Variants in WDTC1 observed in about 807,000 individuals in gnomAD.
The protein encoded by WDTC1 is WD and tetratricopeptide repeats protein 1.
In WDTC1, 12 loss-of-function variants were observed where a neutral mutation model predicts 76.0. The observed-to-expected ratio is 0.16, with a 90% CI of 0.10 to 0.26. WDTC1 has a LOEUF of 0.26. WDTC1 is among the 10% of genes least tolerant of loss of function. WDTC1 has a pLI of 1.00. For synonymous variants in WDTC1, 326 were observed against 350.8 expected (o/e 0.93, Z 0.79); for missense variants, 511 against 908.8 (o/e 0.56, Z 5.63).
chr1:27,246,190 CA>C (rs751744048), intron 1 of WDTC1, among the ~76,000 whole-genome samples: 10 of 152,112 alleles, frequency 6.6e-5, no homozygotes, highest in Non-Finnish European at 1.3e-4. Flanking sequence ...TATCTAATTC[CA>C]AAACATTTTC....
chr1:27,296,209 C>A, intron 9 of WDTC1, 117 bp from the exon 10 acceptor site: 4 of 1,208,374 alleles, frequency 3.3e-6, no homozygotes, highest in Non-Finnish European at 4.9e-6. Context: ...TTGTTCTATG[C>A]TCAACACTCA....
At position 27,306,683 on chromosome 1, in the gene WDTC1, A is replaced by C; in HGVS notation, c.*300A>C. On this transcript the variant is annotated 3_prime_UTR_variant, in exon 16 of 16. Transcript: ENST00000319394. This position sits in a 1 kb window ranked among gnomAD's most constrained non-coding sequence, Gnocchi z 5.0. ...CCTGGAGGGCTCTGGCCTGCCTCAA[A>C]ACCCCTTCTGCCTCAGGTGGGGAGG... 2.4e-6 allele frequency: 1 copy of C among 424,562 alleles called. No individual in the cohort carries two copies. The highest frequency in any genetic ancestry group is 4.3e-6 in the Non-Finnish European group (1 of 230,932). 26.3% of individuals were successfully genotyped at this position (424,562 alleles called of 1,614,324 possible).
At chr1:27,257,913 C>A (rs2147926736) in intron 1 of WDTC1, among the ~76,000 whole-genome samples, 1 of 152,208 alleles carries the variant, frequency 6.6e-6, no homozygotes, top group Middle Eastern at 3.4e-3. Flanking sequence ...GCCTCAGCCT[C>A]CTGAGTAGCT....
intron 1 of WDTC1, among the ~76,000 whole-genome samples, chr1:27,252,043 G>A (rs2012084231): frequency 6.6e-6 from 1 of 151,556 alleles, no homozygotes; most frequent in Non-Finnish European, 1.5e-5. Context: ...GCAAGACTCT[G>A]TCTCAAAAAT....
At chr1:27,259,231 C>T (rs1213303444) in intron 1 of WDTC1, among the ~76,000 whole-genome samples, 1 of 152,014 alleles carries the variant, frequency 6.6e-6, no homozygotes, top group Non-Finnish European at 1.5e-5. Context: ...GTCATCATAG[C>T]TCACTGCAGC....
In WDTC1 at chr1:27,303,674, C is replaced by G. The variant is rs752481111; in HGVS notation, c.1522C>G (p.Arg508Gly). 1 of 1,612,730 alleles carries G rather than the reference C, an allele frequency of 6.2e-7. No homozygotes were observed. Among genetic ancestry groups the G allele is most frequent in the Non-Finnish European group, 8.5e-7 (1 of 1,179,432 alleles). The change falls in exon 14 of 16, where the codon CGC becomes GGC. Residue 508 changes from arginine (R) to glycine (G), a missense_variant. Coordinates refer to ENST00000319394, the MANE Select transcript of WDTC1 (RefSeq NM_001276252.2). The surrounding 1 kb of genome is among the most constrained non-coding windows in gnomAD (Gnocchi z 4.8). The part of the protein sequence containing the change: ...GAPVRLRSTS[R>G]KDSISEDEMV... ...CCCAGTCCGCCTCCGCAGCACGAGC[C>G]GCAAGGACTCCATCTCAGAGGATGA...
At chr1:27,269,999 C>T (rs1371357350) in intron 3 of WDTC1, among the ~76,000 whole-genome samples, 3 of 151,546 alleles carry the variant, frequency 2.0e-5, no homozygotes, top group South Asian at 2.1e-4. Context: ...CGCAGTGATG[C>T]GATCATGGCT....
chr1:27,297,680 A>G (rs917632291), intron 11 of WDTC1, among the ~76,000 whole-genome samples: 28 of 152,168 alleles, frequency 1.8e-4, no homozygotes, highest in African/African-American at 6.8e-4. Context: ...CCAGGAGTTG[A>G]AGTACAGCTT....
At chr1:27,236,283 T>C (rs1368855832) in intron 1 of WDTC1, among the ~76,000 whole-genome samples, 1 of 152,190 alleles carries the variant, frequency 6.6e-6, no homozygotes, top group Non-Finnish European at 1.5e-5. Flanking sequence ...TGGGCTCCTT[T>C]GGGCCAAGTC....
rs1259803561 is a variant in WDTC1, at chr1:27,249,281, G to C, written c.-99-11675G>C. ...GAGACTGTCTCAAAAAAAAAAAAAAGCCATATCCTTTAGCTGTCACTTCTC... is the reference window on the plus strand; with the variant it reads ...GAGACTGTCTCAAAAAAAAAAAAAACCCATATCCTTTAGCTGTCACTTCTC... On this transcript the variant is annotated intron_variant, in intron 1 of 15. Coordinates refer to ENST00000319394, the MANE Select transcript of WDTC1 (RefSeq NM_001276252.2). Among the ~76,000 whole-genome samples the C allele has an allele frequency of 2.6e-5, 3 of 117,202 alleles. No homozygotes were observed. The Admixed American group carries it at 2.6e-4, about 10-fold the overall frequency. 76.9% of individuals were successfully genotyped at this position (117,202 alleles called of 152,430 possible).
chr1:27,296,716 G>A (rs1307704418), intron 10 of WDTC1, among the ~76,000 whole-genome samples: 1 of 148,090 alleles, frequency 6.8e-6, no homozygotes, highest in Non-Finnish European at 1.5e-5. Flanking sequence ...TCTTCCTGGG[G>A]CCTACAGTTG....
intron 1 of WDTC1, among the ~76,000 whole-genome samples, chr1:27,242,781 TA>T (rs1217324728): frequency 6.6e-6 from 1 of 152,114 alleles, no homozygotes; most frequent in Non-Finnish European, 1.5e-5. Context: ...CCCTGTCTCT[TA>T]AAAGCTCAAA....
chr1:27,290,290 C>T (rs2013501611), intron 6 of WDTC1, among the ~76,000 whole-genome samples: 1 of 152,032 alleles, frequency 6.6e-6, no homozygotes, highest in South Asian at 2.1e-4. Context: ...CTCTGTGTTG[C>T]CCAGGCAGGT....
chr1:27,282,281 G>A lies in WDTC1; in HGVS notation c.175G>A (p.Gly59Arg). Residue 59 changes from glycine to arginine, a missense_variant, in exon 4 of 16, where the codon GGA (glycine) becomes AGA (arginine). By Grantham distance (125) the Gly-to-Arg change is moderately radical. Transcript: ENST00000319394. ...CVNCLEWNEK[G>R]DLLASGSDDQ... ...CAACTGTCTGGAGTGGAATGAGAAA[G>A]GAGAGTAAGTATGAGCTAGAGCACC... 1 of 1,613,796 alleles carries A rather than the reference G, an allele frequency of 6.2e-7. No homozygotes were observed.
At chr1:27,235,078 C>T (rs2011465868) in intron 1 of WDTC1, 127 bp downstream of exon 1, 1 of 317,490 alleles carries the variant, frequency 3.1e-6, no homozygotes, top group Non-Finnish European at 5.8e-6. Context: ...CCTGAGCCTA[C>T]CCGCCTCGGG....
At chr1:27,236,010 G>A (rs1241678274) in intron 1 of WDTC1, among the ~76,000 whole-genome samples, 1 of 152,126 alleles carries the variant, frequency 6.6e-6, no homozygotes. Context: ...TTTGAGGGCA[G>A]CTTCTGACTC....
chr1:27,289,643 G>A (rs1424995593), intron 6 of WDTC1, among the ~76,000 whole-genome samples: 212 of 152,342 alleles, frequency 1.4e-3, no homozygotes, highest in Non-Finnish European at 2.7e-3. Flanking sequence ...CGGCTGGGAG[G>A]TGGAGGTTGT....
chr1:27,282,131 T>C, intron 3 of WDTC1, 108 bp from the exon 4 acceptor site: 1 of 1,092,466 alleles, frequency 9.2e-7, no homozygotes, highest in Non-Finnish European at 1.4e-6. Context: ...TTGGAAAATA[T>C]TGAAAATGGA....
chr1:27,282,198 C>T, intron 3 of WDTC1, 41 bp from the exon 4 acceptor site: 1 of 1,606,842 alleles, frequency 6.2e-7, no homozygotes, highest in South Asian at 1.1e-5. Context: ...CAGGAGAACC[C>T]CTAACCAACT....
Sources: gnomAD v4.1 joint callset for allele counts (sites outside exome capture counted in the v4.1 genomes callset) on GRCh38, gnomAD v4.1.1 for gene constraint, Gnocchi (gnomAD v3.1) non-coding constraint, MANE v1.5 for transcripts, NCBI Gene and HGNC (gene_info 2026-07-23, HGNC 2026-07-21) for gene names.